PATJ: variants seen among roughly 807,000 people sequenced by gnomAD.
The protein encoded by PATJ is inaD-like protein.
PATJ carries 190 observed loss-of-function variants against 224.9 expected under a neutral mutation model. The ratio of observed to expected loss-of-function variants is 0.84; its 90% CI spans 0.75 to 0.95. The LOEUF (loss-of-function observed/expected upper bound fraction) is 0.95. Ranked by LOEUF, PATJ falls within the 40% of genes least tolerant of loss-of-function variation. PATJ has a pLI of 0.00. For missense variants in PATJ, 2,121 were observed against 2,270.3 expected (o/e 0.93, Z 1.34); for synonymous variants, 769 against 820.3 (o/e 0.94, Z 1.07).
In PATJ at chr1:61,763,138, A is replaced by G. The variant is rs1175706052; in HGVS notation, c.148A>G (p.Ile50Val). ...ACTAAAGAGTCCTCTCTTCAACCAGATACTCACACTTCAGCAGTCCATCAA... is the reference window on the plus strand; with the variant it reads ...ACTAAAGAGTCCTCTCTTCAACCAGGTACTCACACTTCAGCAGTCCATCAA... ...ETLKSPLFNQ[I>V]LTLQQSIKQL... Residue 50 changes from isoleucine to valine, a missense_variant, in exon 3 of 44, where the codon ATA (isoleucine) becomes GTA (valine). Ile to Val is a conservative substitution (Grantham distance 29). Transcript: ENST00000642238. The G allele has an allele frequency of 1.2e-6, 2 of 1,606,172 alleles. No homozygotes were observed. Among genetic ancestry groups the G allele is most frequent in the Non-Finnish European group, 1.7e-6 (2 of 1,175,754 alleles).
chr1:61,851,108 G>A (rs1662743040), intron 17 of PATJ, among the ~76,000 whole-genome samples: 1 of 152,112 alleles, frequency 6.6e-6, no homozygotes, highest in Admixed American at 6.6e-5. Flanking sequence ...CTTACTTTTA[G>A]TAGGAAGTAA....
intron 25 of PATJ, among the ~76,000 whole-genome samples, chr1:61,913,155 G>T (rs1012597583): frequency 5.3e-5 from 8 of 151,926 alleles, no homozygotes; most frequent in Admixed American, 5.2e-4. Context: ...TGGGCTTTTT[G>T]TTTTGTTTTT....
intron 27 of PATJ, among the ~76,000 whole-genome samples, chr1:61,938,515 A>T (rs1357573594): frequency 6.6e-6 from 1 of 152,028 alleles, no homozygotes; most frequent in African/African-American, 2.4e-5. Flanking sequence ...CTGCACATGT[A>T]CCCCCTGTAT....
In PATJ at chr1:62,157,622, G is replaced by A. The variant is rs564185258; in HGVS notation, c.5503-3286G>A. On this transcript the variant is annotated intron_variant, in intron 43 of 43. Transcript: ENST00000642238. ...AAGGCAGGTGGATCACCTGAGGTCA[G>A]GAGTTAAAGACCAGCCTGGCCAACA... Among the ~76,000 whole-genome samples, 133 of 148,406 alleles carry A rather than the reference G, an allele frequency of 9.0e-4. 9 individuals carry two copies. The highest frequency in any genetic ancestry group is 1.7e-3 in the Non-Finnish European group (111 of 66,718).
intron 26 of PATJ, among the ~76,000 whole-genome samples, chr1:61,917,099 T>G (rs1455046488): frequency 6.6e-6 from 1 of 152,218 alleles, no homozygotes; most frequent in African/African-American, 2.4e-5. Flanking sequence ...TTTCTAATCT[T>G]GTGGCTAATT....
Position 62,066,720 on chromosome 1 carries a change from C to T in PATJ, c.4126-12730C>T, listed in dbSNP as rs139830134. The stretch of plus-strand genomic sequence containing the variant: ...TGCAGTAAAGAAAGAGTTTAATTGA[C>T]GCAAGACCAGCCCATGCACAGGAGA... On this transcript the variant is annotated intron_variant, in intron 31 of 43. Coordinates refer to ENST00000642238, the MANE Select transcript of PATJ (RefSeq NM_001350145.3). 5.9e-5 allele frequency among the ~76,000 whole-genome samples: 9 copies of T among 152,260 alleles called. No individual in the cohort carries two copies. The East Asian group carries it at 7.7e-4, about 13-fold the overall frequency.
chr1:62,031,824 A>C (rs115972742), intron 29 of PATJ, among the ~76,000 whole-genome samples: 4 of 152,364 alleles, frequency 2.6e-5, no homozygotes, highest in African/African-American at 9.6e-5. Flanking sequence ...AATGAAAAAA[A>C]TAATTCTAAC....
intron 26 of PATJ, among the ~76,000 whole-genome samples, chr1:61,923,200 C>T (rs1319964079): frequency 6.6e-6 from 1 of 152,196 alleles, no homozygotes; most frequent in East Asian, 1.9e-4. Context: ...TCAGAATCTA[C>T]ATCTTCATTA....
chr1:61,871,314 C>A (rs1407704721), intron 20 of PATJ, among the ~76,000 whole-genome samples: 1 of 130,228 alleles, frequency 7.7e-6, no homozygotes, highest in Non-Finnish European at 1.7e-5. Context: ...CAGGTTCAAG[C>A]GATTCTCCTG....
At chr1:61,779,188 G>A (rs1010899818) in intron 7 of PATJ, among the ~76,000 whole-genome samples, 13 of 152,110 alleles carry the variant, frequency 8.5e-5, no homozygotes, top group African/African-American at 2.4e-4. Flanking sequence ...TAGGACATGC[G>A]TGTGATTACT....
At chr1:62,116,508 T>C in intron 35 of PATJ, 24 bp from the exon 36 acceptor site, 1 of 1,612,616 alleles carries the variant, frequency 6.2e-7, no homozygotes, top group Non-Finnish European at 8.5e-7. Context: ...GTGCCAATAC[T>C]GCACTGCTGT....
rs901324680 is a variant in PATJ at position 62,162,171 on chromosome 1, C to T, written c.*1117C>T. 2.6e-5 allele frequency: 4 copies of T among 152,154 alleles called. No individual in the cohort carries two copies. Among genetic ancestry groups the T allele is most frequent in the African/African-American group, 9.7e-5 (4 of 41,430 alleles). The allele number at this position is 152,154 out of a possible 1,614,324, so 9.4% of individuals were successfully genotyped here. On this transcript the variant is annotated 3_prime_UTR_variant, in exon 44 of 44. Transcript: ENST00000642238. ...TAACAGTGCTAAATTACATTCAAGT[C>T]CAGGAAGATCACCTGGAATTAATGG...
chr1:61,907,857 A>C (rs903965389), intron 24 of PATJ, among the ~76,000 whole-genome samples: 1 of 152,258 alleles, frequency 6.6e-6, no homozygotes, highest in Non-Finnish European at 1.5e-5. Flanking sequence ...TTTATTGAAC[A>C]CATAAATAGT....
chr1:62,153,491 C>A lies in PATJ; in HGVS notation c.5502+10C>A, dbSNP rs1412812817. 8.1e-7 allele frequency: 1 copy of A among 1,230,182 alleles called. No homozygotes were observed. Among genetic ancestry groups the A allele is most frequent in the Non-Finnish European group, 1.0e-6 (1 of 986,246 alleles). 76.2% of individuals were successfully genotyped at this position (1,230,182 alleles called of 1,614,324 possible). A position where few individuals can be genotyped will look rare whatever the true frequency, so the allele number is the denominator to read the frequency against. On this transcript the variant is annotated intron_variant, in intron 43 of 43. Coordinates refer to ENST00000642238, the MANE Select transcript of PATJ (RefSeq NM_001350145.3). ...GACTGTATTTGCAAAGGTATATCTT[C>A]TTTTTTAATGTACTTTTTTAAAAAA...
intron 4 of PATJ, among the ~76,000 whole-genome samples, chr1:61,768,820 A>T (rs1023424762): frequency 6.6e-6 from 1 of 152,038 alleles, no homozygotes; most frequent in Non-Finnish European, 1.5e-5. Context: ...GGATCGCTTG[A>T]GCCCAGAAGA....
rs561743378 is a variant in PATJ at position 61,871,279 on chromosome 1, T to C, written c.2836-3964T>C. ...CAGGCTGAAGTGCAATGGTGCAATC[T>C]TGGCTCACCGCAACCTCTGCCACCC... On this transcript the variant is annotated intron_variant, in intron 20 of 43. Transcript: ENST00000642238. 2.0e-4 allele frequency among the ~76,000 whole-genome samples: 29 copies of C among 147,862 alleles called. No homozygotes were observed. The East Asian group carries it at 5.7e-3, about 29-fold the overall frequency.
At chr1:61,839,873 A>G (rs1225389343) in intron 17 of PATJ, among the ~76,000 whole-genome samples, 1 of 151,938 alleles carries the variant, frequency 6.6e-6, no homozygotes, top group East Asian at 1.9e-4. Context: ...ATCTCTCTCA[A>G]AGTCTGAGAG....
Position 62,084,691 on chromosome 1 carries a change from G to C in PATJ, c.4377+43G>C, listed in dbSNP as rs1218397579. The C allele has an allele frequency of 1.9e-6, 3 of 1,597,816 alleles. No individual in the cohort carries two copies. In the African/African-American group the frequency reaches 4.0e-5, roughly 22 times the overall value. On this transcript the variant is annotated intron_variant, in intron 33 of 43. Transcript: ENST00000642238. ...AAATGTATCCACTGTCATAGAACTA[G>C]TTGTTGAGGTTAATTTTGGCCCTGC... is the stretch of plus-strand genomic sequence containing the variant.
chr1:61,864,090 T>A (rs1168317314), intron 19 of PATJ, 148 bp from the exon 20 acceptor site: 1 of 616,728 alleles, frequency 1.6e-6, no homozygotes, highest in East Asian at 2.7e-5. Flanking sequence ...AGCTTGTGTT[T>A]CTCCATGTTT....
Sources: allele counts gnomAD v4.1 joint callset (sites outside exome capture counted in the v4.1 genomes callset), GRCh38; gene constraint gnomAD v4.1.1; transcripts MANE v1.5; gene names NCBI Gene and HGNC (gene_info 2026-07-23, HGNC 2026-07-21).